The following SHCBP1 variants were observed in gnomAD, a reference collection of about 807,000 sequenced individuals.
SHCBP1 encodes the protein SHC binding and spindle associated 1.
SHCBP1 carries 60 observed loss-of-function variants against 75.1 expected under a neutral mutation model. That is an observed-to-expected ratio of 0.80 (90% CI 0.65 to 0.99). The LOEUF (loss-of-function observed/expected upper bound fraction) is 0.99. SHCBP1 is among the 50% of genes least tolerant of loss of function. The pLI, the probability that SHCBP1 is intolerant of heterozygous loss-of-function variation, is 0.00. For missense variants in SHCBP1, 709 were observed against 809.4 expected, an observed-to-expected ratio of 0.88 and a Z score of 1.50; for synonymous variants, 290 against 293.2, an observed-to-expected ratio of 0.99 and a Z score of 0.11.
chr16:46,590,722 G>C (rs955654139), intron 10 of SHCBP1, among the ~76,000 whole-genome samples: 1 of 152,214 alleles, frequency 6.6e-6, no homozygotes, highest in Non-Finnish European at 1.5e-5. Context: ...GTTGGTGGGA[G>C]TGTATATTAG....
rs888000960 is a variant in SHCBP1, at chr16:46,618,130, C to T, written c.271+75G>A. 1.8e-5 allele frequency: 25 copies of T among 1,416,158 alleles called. No homozygotes were observed. In the East Asian group the frequency reaches 4.3e-4, roughly 25 times the overall value. The allele number at this position is 1,416,158 out of a possible 1,614,324, so 87.7% of individuals were successfully genotyped here. On this transcript the variant is annotated intron_variant, in intron 2 of 12. Coordinates refer to ENST00000303383, the MANE Select transcript of SHCBP1 (RefSeq NM_024745.5). ...GGCGGAGGTTGCGGTGAGCCGAGAT[C>T]GCACCATCGCACTCCAGCCTGGACA...
At chr16:46,602,603 C>T (rs146564923) in intron 8 of SHCBP1, among the ~76,000 whole-genome samples, 12 of 152,244 alleles carry the variant, frequency 7.9e-5, no homozygotes, top group African/African-American at 2.9e-4. Flanking sequence ...TTAGAAATCA[C>T]TCTAAATGAA....
chr16:46,619,833 G>A (rs540952530), intron 1 of SHCBP1, among the ~76,000 whole-genome samples: 6 of 152,200 alleles, frequency 3.9e-5, no homozygotes, highest in East Asian at 1.9e-4. Context: ...TTAGGAGCTC[G>A]ACACCAGCCT....
intron 4 of SHCBP1, among the ~76,000 whole-genome samples, chr16:46,611,570 A>G (rs1965417231): frequency 6.6e-6 from 1 of 152,226 alleles, no homozygotes; most frequent in Admixed American, 6.5e-5. Flanking sequence ...TATATAGTTC[A>G]CATTTATTTC....
At chr16:46,612,385 G>A (rs1468677999) in intron 4 of SHCBP1, among the ~76,000 whole-genome samples, 1 of 152,166 alleles carries the variant, frequency 6.6e-6, no homozygotes, top group Non-Finnish European at 1.5e-5. Context: ...GCTGTGAAAA[G>A]GAAGCACTGA....
intron 4 of SHCBP1, among the ~76,000 whole-genome samples, chr16:46,615,112 T>C (rs1965474446): frequency 2.0e-5 from 3 of 152,248 alleles, no homozygotes; most frequent in Admixed American, 2.0e-4. Context: ...ACCTTTATGA[T>C]GATCCACTTC....
intron 3 of SHCBP1, 124 bp downstream of exon 3, chr16:46,617,510 G>T: frequency 1.5e-6 from 1 of 677,410 alleles, no homozygotes; most frequent in Non-Finnish European, 2.4e-6. Flanking sequence ...GCAATTAGAT[G>T]TGAAAAACAT....
chr16:46,589,241 A>C (rs1965000731), intron 10 of SHCBP1, among the ~76,000 whole-genome samples: 1 of 152,244 alleles, frequency 6.6e-6, no homozygotes, highest in Non-Finnish European at 1.5e-5. Context: ...AACTGGAAGC[A>C]TTCCCTTTGA....
chr16:46,588,083 G>A (rs928322409), intron 10 of SHCBP1, among the ~76,000 whole-genome samples: 9 of 152,104 alleles, frequency 5.9e-5, no homozygotes, highest in African/African-American at 7.2e-5. Flanking sequence ...GGTACATAAC[G>A]AAATGAAGGC....
chr16:46,611,629 A>G (rs1434498673), intron 4 of SHCBP1, among the ~76,000 whole-genome samples: 1 of 152,230 alleles, frequency 6.6e-6, no homozygotes, highest in Non-Finnish European at 1.5e-5. Context: ...AAGTTTGATG[A>G]TGTTTTCATG....
chr16:46,608,335 G>A lies in SHCBP1; in HGVS notation c.651C>T (p.Tyr217=), dbSNP rs535631033. 42 of 1,613,564 alleles carry A rather than the reference G, an allele frequency of 2.6e-5. No homozygotes were observed. In the Middle Eastern group the frequency reaches 1.2e-3, roughly 44 times the overall value. The change falls in exon 5 of 13, where the codon TAC becomes TAT. Residue 217 remains tyrosine, a synonymous_variant. Transcript: ENST00000303383. ...RSWDEEEEDE[Y]DYFVRCVEPR... is the part of the protein sequence containing the mutation. ...GTTCAACACATCTGACAAAATAATCGTATTCATCCTCCTCTTCTTCATCCC... is the reference window on the plus strand; with the variant it reads ...GTTCAACACATCTGACAAAATAATCATATTCATCCTCCTCTTCTTCATCCC...
In SHCBP1 at chr16:46,621,335, C is replaced by T; in HGVS notation, c.25G>A (p.Gly9Ser). MADGSLTGGGLEAAAMAPE... is the reference protein window; with the variant it reads MADGSLTGSGLEAAAMAPE... The stretch of plus-strand genomic sequence containing the variant: ...GCCATGGCCGCTGCCTCCAGACCGC[C>T]GCCCGTCAGCGACCCGTCAGCCATT... The change falls in exon 1 of 13, where the codon GGC (glycine) becomes AGC (serine). Residue 9 changes from glycine to serine, a missense_variant. Coordinates refer to ENST00000303383, the MANE Select transcript of SHCBP1 (RefSeq NM_024745.5). 1.9e-6 allele frequency: 3 copies of T among 1,611,300 alleles called. No individual in the cohort carries two copies. The highest frequency in any genetic ancestry group is 2.5e-6 in the Non-Finnish European group (3 of 1,179,106).
chr16:46,618,187 A>AT lies in SHCBP1; in HGVS notation c.271+17_271+18insA. ...GCGAAACTCCATCTCAAAAAAAAAA[A>AT]GCAAAAAACCTACTCACCTAAAATG... On this transcript the variant is annotated intron_variant, in intron 2 of 12. Transcript: ENST00000303383. 6.4e-7 allele frequency: 1 copy of AT among 1,571,360 alleles called. No homozygotes were observed.
intron 5 of SHCBP1, among the ~76,000 whole-genome samples, chr16:46,606,214 G>GT (rs1197632122): frequency 6.6e-6 from 1 of 152,034 alleles, no homozygotes; most frequent in Admixed American, 6.6e-5. Flanking sequence ...AGCAGTGTTG[G>GT]TTTTTTTCAG....
chr16:46,593,294 T>G (rs1180185805), intron 10 of SHCBP1, among the ~76,000 whole-genome samples: 1 of 152,110 alleles, frequency 6.6e-6, no homozygotes, highest in African/African-American at 2.4e-5. Flanking sequence ...TAAAAATAAA[T>G]TATATTTCTA....
At chr16:46,614,576 G>A (rs899999751) in intron 4 of SHCBP1, among the ~76,000 whole-genome samples, 2 of 152,130 alleles carry the variant, frequency 1.3e-5, no homozygotes, top group African/African-American at 4.8e-5. Context: ...GTCCACTTGT[G>A]CAGTGGAAAT....
chr16:46,612,516 G>A (rs1965433861), intron 4 of SHCBP1, among the ~76,000 whole-genome samples: 1 of 151,936 alleles, frequency 6.6e-6, no homozygotes, highest in Non-Finnish European at 1.5e-5. Context: ...GCCTCTACTC[G>A]ATTGAAAAAA....
At chr16:46,615,805 C>T in intron 4 of SHCBP1, 141 bp downstream of exon 4, 1 of 661,480 alleles carries the variant, frequency 1.5e-6, no homozygotes, top group Non-Finnish European at 2.6e-6. Context: ...AAAAGATTAT[C>T]CTATCTTTGG....
chr16:46,590,187 A>C (rs1267327025), intron 10 of SHCBP1, among the ~76,000 whole-genome samples: 2 of 152,262 alleles, frequency 1.3e-5, no homozygotes, highest in African/African-American at 2.4e-5. Flanking sequence ...TTAAAGACTT[A>C]AATGTTAGAC....
Sources: gnomAD v4.1 joint callset for allele counts (sites outside exome capture counted in the v4.1 genomes callset) on GRCh38, gnomAD v4.1.1 for gene constraint, MANE v1.5 for transcripts, NCBI Gene and HGNC (gene_info 2026-07-23, HGNC 2026-07-21) for gene names.